The following UNC13A variants were observed in gnomAD, a reference collection of about 807,000 sequenced individuals.
The protein encoded by UNC13A is protein unc-13 homolog A.
Under a neutral mutation model 219.7 loss-of-function variants are expected in UNC13A, and 61 were observed. That is an observed-to-expected ratio of 0.28 (90% CI 0.23 to 0.34). The LOEUF is 0.34. Ranked by LOEUF, UNC13A falls within the 10% of genes least tolerant of loss-of-function variation. UNC13A has a pLI of 1.00. For synonymous variants in UNC13A, 920 were observed against 884.6 expected (o/e 1.04, Z -0.71); for missense variants, 1,476 against 2,270.3 (o/e 0.65, Z 7.11).
At chr19:17,633,034 C>A (rs1001215693) in intron 27 of UNC13A, 74 bp downstream of exon 27, 14 of 1,606,840 alleles carry the variant, frequency 8.7e-6, no homozygotes, top group Middle Eastern at 1.7e-4. Flanking sequence ...AGGGTGCTCA[C>A]AGCCTTGGAG....
intron 35 of UNC13A, among the ~76,000 whole-genome samples, chr19:17,624,402 G>A (rs1303523577): frequency 6.6e-6 from 1 of 152,130 alleles, no homozygotes; most frequent in Non-Finnish European, 1.5e-5. Context: ...TTGCAGGCGT[G>A]AGCCACGGTG....
Position 17,606,173 on chromosome 19 carries a change from C to T in UNC13A, c.4993G>A (p.Gly1665Ser). The stretch of plus-strand genomic sequence containing the variant: ...GAGAGGATTCGCAGCACCGTGAGGC[C>T]CGTGTCGTCCATGTGGATGCGGCGG... Reference protein sequence around the residue: ...LGRRIHMDDTGLTVLRILSQR... With the variant: ...LGRRIHMDDTSLTVLRILSQR... Residue 1665 changes from glycine to serine, a missense_variant, in exon 44 of 44, where the codon GGC (glycine) becomes AGC (serine). Gly to Ser is a moderately conservative substitution (Grantham distance 56). Around this residue, in one of 14 missense-constraint regions of UNC13A, gnomAD observed 187 missense variants for 172.3 expected, o/e 1.09. Coordinates refer to ENST00000519716, the MANE Select transcript of UNC13A (RefSeq NM_001080421.3). The T allele has an allele frequency of 6.4e-7, 1 of 1,571,478 alleles. No individual in the cohort carries two copies. The highest frequency in any genetic ancestry group is 8.6e-7 in the Non-Finnish European group (1 of 1,160,198).
At chr19:17,628,784 G>A (rs1440696326) in intron 31 of UNC13A, among the ~76,000 whole-genome samples, 1 of 151,690 alleles carries the variant, frequency 6.6e-6, no homozygotes, top group Non-Finnish European at 1.5e-5. Context: ...ACAGCCAGAC[G>A]AAACACAATC....
intron 1 of UNC13A, among the ~76,000 whole-genome samples, chr19:17,680,872 TTTTTTTCTTTTCTTTTC>T (rs2079995470): frequency 7.4e-6 from 1 of 134,894 alleles, no homozygotes; most frequent in Admixed American, 7.6e-5. Flanking sequence ...TCTTCTTCTT[TTTTTTTCTTTTCTTTTC>T]TTTTTTTTTT....
intron 37 of UNC13A, 69 bp downstream of exon 37, chr19:17,621,763 C>T (rs377616424): frequency 2.7e-4 from 416 of 1,550,544 alleles, no homozygotes; most frequent in South Asian, 5.1e-4. Flanking sequence ...GGTGCACAGA[C>T]GCACACACAT....
chr19:17,650,705 T>G (rs527494699), intron 12 of UNC13A, among the ~76,000 whole-genome samples: 2 of 151,762 alleles, frequency 1.3e-5, no homozygotes, highest in Non-Finnish European at 2.9e-5. Context: ...CTCGAACTCC[T>G]GACCTCAGGC....
At chr19:17,685,640 A>T (rs1227032913) in intron 1 of UNC13A, among the ~76,000 whole-genome samples, 1 of 152,186 alleles carries the variant, frequency 6.6e-6, no homozygotes, top group African/African-American at 2.4e-5. Flanking sequence ...TGTGTCCTAT[A>T]TACACGTGTA....
At chr19:17,612,451 C>T (rs1217192175) in intron 41 of UNC13A, among the ~76,000 whole-genome samples, 1 of 152,194 alleles carries the variant, frequency 6.6e-6, no homozygotes, top group Non-Finnish European at 1.5e-5. Context: ...CCTACACCTG[C>T]CCCCAGCATC....
intron 1 of UNC13A, among the ~76,000 whole-genome samples, chr19:17,683,416 G>C (rs1349479515): frequency 2.6e-5 from 4 of 152,134 alleles, no homozygotes; most frequent in Admixed American, 1.3e-4. Context: ...AGGATCACTT[G>C]AAGTCAGGAG....
rs565464315 is a variant in UNC13A, at chr19:17,671,699, G to C, written c.270+679C>G. Among the ~76,000 whole-genome samples, 12 of 152,264 alleles carry C rather than the reference G, an allele frequency of 7.9e-5. No individual in the cohort carries two copies. In the East Asian group the frequency reaches 2.1e-3, roughly 27 times the overall value. ...TGAGGTGGGAGGATCACTTGAGCCT[G>C]GGAAGTCGAGGCTGCAGTGGGCCAT... is the stretch of plus-strand genomic sequence containing the variant. On this transcript the variant is annotated intron_variant, in intron 4 of 43. Transcript: ENST00000519716.
intron 26 of UNC13A, 142 bp downstream of exon 26, chr19:17,635,882 G>T: frequency 1.0e-6 from 1 of 972,402 alleles, no homozygotes; most frequent in Non-Finnish European, 1.4e-6. Context: ...TTTGAATTTT[G>T]CACAGGTATA....
intron 1 of UNC13A, among the ~76,000 whole-genome samples, chr19:17,680,299 G>C (rs984310005): frequency 1.3e-5 from 2 of 152,194 alleles, no homozygotes; most frequent in Non-Finnish European, 2.9e-5. Flanking sequence ...CGCCTGCGCC[G>C]GGTTGCTGTA....
rs1335118328 is a variant in UNC13A, at chr19:17,633,205, A to G, written c.3216-12T>C. 2 of 1,613,872 alleles carry G rather than the reference A, an allele frequency of 1.2e-6. No homozygotes were observed. The highest frequency in any genetic ancestry group is 2.2e-5 in the East Asian group (1 of 44,886). ...GCTCCTGGGGAAACCTGGCAAAGTC[A>G]TGGAAGTATAAAACTTTGGCAGGCA... is the stretch of plus-strand genomic sequence containing the variant. On this transcript the variant is annotated splice_polypyrimidine_tract_variant and intron_variant, in intron 26 of 43. Coordinates refer to ENST00000519716, the MANE Select transcript of UNC13A (RefSeq NM_001080421.3).
At chr19:17,614,382 T>A (rs1314795983) in intron 41 of UNC13A, 3 of 152,150 alleles carry the variant, frequency 2.0e-5, no homozygotes, top group African/African-American at 7.2e-5. Flanking sequence ...GGGCTTCTGT[T>A]TGGGGCCACC....
At chr19:17,641,697 C>T in intron 20 of UNC13A, 141 bp from the exon 21 acceptor site, 1 of 803,698 alleles carries the variant, frequency 1.2e-6, no homozygotes, top group Non-Finnish European at 1.9e-6. Context: ...TCCATCCACA[C>T]ACCCACCCAT....
At chr19:17,639,687 G>A (rs139409448) in intron 23 of UNC13A, among the ~76,000 whole-genome samples, 153 bp downstream of exon 23, 13 of 152,292 alleles carry the variant, frequency 8.5e-5, no homozygotes, top group Non-Finnish European at 1.6e-4. Flanking sequence ...AGCACATTAC[G>A]GCAGGTAGTG....
rs562947074 is a variant in UNC13A, at chr19:17,602,820, A to G, written c.*3234T>C. Reference sequence around the variant, plus strand: ...CATGCATGCGGATGTGTATTCTCACACTGACCCTGCCCCAATACATAATTC... The same window carrying G: ...CATGCATGCGGATGTGTATTCTCACGCTGACCCTGCCCCAATACATAATTC... On this transcript the variant is annotated 3_prime_UTR_variant, in exon 44 of 44. Coordinates refer to ENST00000519716, the MANE Select transcript of UNC13A (RefSeq NM_001080421.3). 1.3e-5 allele frequency: 2 copies of G among 152,306 alleles called. No homozygotes were observed. The highest frequency in any genetic ancestry group is 4.8e-5 in the African/African-American group (2 of 41,540). 9.4% of individuals were successfully genotyped at this position (152,306 alleles called of 1,614,324 possible). A position where few individuals can be genotyped will look rare whatever the true frequency, so the allele number is the denominator to read the frequency against.
chr19:17,608,254 A>G (rs1451488186), intron 43 of UNC13A, among the ~76,000 whole-genome samples: 1 of 141,848 alleles, frequency 7.0e-6, no homozygotes, highest in Non-Finnish European at 1.5e-5. Context: ...TATATAATAT[A>G]TGAAATATAT....
Position 17,604,773 on chromosome 19 carries a change from G to A in UNC13A, c.*1281C>T, listed in dbSNP as rs2076503228. On this transcript the variant is annotated 3_prime_UTR_variant, in exon 44 of 44. Transcript: ENST00000519716. ...GAAAGAGCTTCCAGCTGGCAAGAGG[G>A]CCATCTGAGGTATCCTGTGGCTTGG... The A allele has an allele frequency of 6.6e-6, 1 of 152,406 alleles. No homozygotes were observed. 9.4% of individuals were successfully genotyped at this position (152,406 alleles called of 1,614,324 possible).
Sources: allele counts gnomAD v4.1 joint callset (sites outside exome capture counted in the v4.1 genomes callset), GRCh38; gene constraint gnomAD v4.1.1; regional missense constraint gnomAD v4.1.1; transcripts MANE v1.5; gene names NCBI Gene and HGNC (gene_info 2026-07-23, HGNC 2026-07-21).